Variants in LNPK observed in about 807,000 individuals in gnomAD.
The protein encoded by LNPK is lunapark, ER junction formation factor.
LNPK carries 29 observed loss-of-function variants against 55.2 expected under a neutral mutation model. That is an observed-to-expected ratio of 0.53 (90% CI 0.39 to 0.72). LNPK has a LOEUF of 0.72. Among genes scored for constraint, LNPK ranks in the 30% least tolerant of loss-of-function variants. The pLI is 0.00. For synonymous variants in LNPK, 162 were observed against 168.2 expected, an observed-to-expected ratio of 0.96 and a Z score of 0.29; for missense variants, 467 against 494.8, an observed-to-expected ratio of 0.94 and a Z score of 0.53.
chr2:175,947,385 G>T, intron 9 of LNPK, 95 bp downstream of exon 9: 1 of 988,278 alleles, frequency 1.0e-6, no homozygotes. Context: ...ATTTCCAAAT[G>T]AAATGCCATT....
At chr2:175,964,248 CAAATAT>C (rs1686215347) in intron 8 of LNPK, 118 bp downstream of exon 8, 1 of 660,354 alleles carries the variant, frequency 1.5e-6, no homozygotes, top group African/African-American at 1.8e-5. Context: ...CCCAAATTAC[CAAATAT>C]AAATTTACAC....
intron 6 of LNPK, among the ~76,000 whole-genome samples, chr2:175,970,298 A>G (rs1686595703): frequency 6.6e-6 from 1 of 152,112 alleles, no homozygotes; most frequent in Non-Finnish European, 1.5e-5. Flanking sequence ...GAAAACTCTG[A>G]AGAAAACAAT....
intron 4 of LNPK, among the ~76,000 whole-genome samples, chr2:175,987,538 A>G (rs1574894271): frequency 1.3e-5 from 2 of 152,120 alleles, no homozygotes; most frequent in African/African-American, 2.4e-5. Context: ...TGGGGGGAGC[A>G]GGGAGGGATA....
At chr2:175,975,955 G>A (rs1303288723) in intron 5 of LNPK, among the ~76,000 whole-genome samples, 2 of 152,220 alleles carry the variant, frequency 1.3e-5, no homozygotes, top group African/African-American at 4.8e-5. Context: ...GGATGTTGCA[G>A]TGACCTGAGA....
At chr2:175,961,536 A>G (rs1362836949) in intron 8 of LNPK, among the ~76,000 whole-genome samples, 2 of 152,246 alleles carry the variant, frequency 1.3e-5, no homozygotes, top group Non-Finnish European at 2.9e-5. Context: ...TAAACTAGGT[A>G]TTGATGGGAC....
chr2:175,939,926 T>C (rs1006242056), intron 9 of LNPK, among the ~76,000 whole-genome samples: 5 of 152,040 alleles, frequency 3.3e-5, no homozygotes, highest in African/African-American at 1.2e-4. Flanking sequence ...GCAAATAAAA[T>C]TATGCTTAGT....
intron 6 of LNPK, among the ~76,000 whole-genome samples, chr2:175,970,184 C>T (rs935546225): frequency 2.6e-5 from 4 of 152,112 alleles, no homozygotes; most frequent in Admixed American, 6.5e-5. Flanking sequence ...ATATCTAGAG[C>T]GCCTTCTGTC....
chr2:176,000,088 A>T (rs1408932852), intron 1 of LNPK, among the ~76,000 whole-genome samples: 1 of 152,208 alleles, frequency 6.6e-6, no homozygotes, highest in East Asian at 1.9e-4. Context: ...TCAATGAACA[A>T]TAATGACCAC....
At chr2:175,995,804 CTTTTTTTTTTT>C (rs10674444) in intron 1 of LNPK, among the ~76,000 whole-genome samples, 158 bp from the exon 2 acceptor site, 315 of 66,420 alleles carry the variant, frequency 4.7e-3, no homozygotes, top group African/African-American at 0.016. Context: ...TAGAGTCTAC[CTTTTTTTTTTT>C]TTTTTTTTTT....
intron 8 of LNPK, among the ~76,000 whole-genome samples, chr2:175,954,119 T>C (rs1262960885): frequency 6.6e-6 from 1 of 152,190 alleles, no homozygotes; most frequent in Non-Finnish European, 1.5e-5. Context: ...GTGCCTATCT[T>C]CATTTTGGTC....
At chr2:175,947,143 T>C (rs1430599390) in intron 9 of LNPK, among the ~76,000 whole-genome samples, 1 of 152,216 alleles carries the variant, frequency 6.6e-6, no homozygotes, top group African/African-American at 2.4e-5. Context: ...CCAAAAGTGT[T>C]TTCTTCTATC....
intron 8 of LNPK, among the ~76,000 whole-genome samples, chr2:175,959,722 A>C (rs565668021): frequency 6.6e-6 from 1 of 152,288 alleles, no homozygotes; most frequent in South Asian, 2.1e-4. Flanking sequence ...TATTAACCTT[A>C]AATGTAAATG....
chr2:175,937,749 T>C (rs1247271572), intron 11 of LNPK: 2 of 341,966 alleles, frequency 5.8e-6, no homozygotes, highest in Non-Finnish European at 1.1e-5. Context: ...ACAGGTTACA[T>C]AGCAGGCTAA....
intron 1 of LNPK, among the ~76,000 whole-genome samples, chr2:176,001,924 G>C (rs1025728356): frequency 6.6e-6 from 1 of 152,226 alleles, no homozygotes; most frequent in Non-Finnish European, 1.5e-5. Flanking sequence ...CAAGACTCCA[G>C]CGCCACCACT....
intron 5 of LNPK, among the ~76,000 whole-genome samples, chr2:175,972,427 G>C (rs926554717): frequency 6.6e-6 from 1 of 152,000 alleles, no homozygotes; most frequent in African/African-American, 2.4e-5. Context: ...CATTTCCTTT[G>C]AGTATCATGT....
chr2:175,950,367 A>T (rs903444226), intron 8 of LNPK, among the ~76,000 whole-genome samples: 1 of 152,156 alleles, frequency 6.6e-6, no homozygotes, highest in African/African-American at 2.4e-5. Context: ...TACAATTAAC[A>T]ATAATGTGTC....
intron 6 of LNPK, among the ~76,000 whole-genome samples, chr2:175,966,675 TTAAC>T (rs1686371035): frequency 6.6e-6 from 1 of 152,220 alleles, no homozygotes; most frequent in Non-Finnish European, 1.5e-5. Flanking sequence ...AATAGCTTAA[TTAAC>T]ACACATCCAT....
intron 6 of LNPK, among the ~76,000 whole-genome samples, chr2:175,965,012 T>C (rs1482226943): frequency 6.6e-6 from 1 of 152,178 alleles, no homozygotes; most frequent in East Asian, 1.9e-4. Context: ...AAATAAAATC[T>C]CTGTGCCAAT....
At chr2:175,978,414 CT>C (rs1431921832) in intron 5 of LNPK, among the ~76,000 whole-genome samples, 1 of 151,962 alleles carries the variant, frequency 6.6e-6, no homozygotes, top group African/African-American at 2.4e-5. Context: ...CATCTATTTT[CT>C]GTATAAAGTA....
Sources: gnomAD v4.1 joint callset for allele counts (sites outside exome capture counted in the v4.1 genomes callset) on GRCh38, gnomAD v4.1.1 for gene constraint, MANE v1.5 for transcripts, NCBI Gene and HGNC (gene_info 2026-07-23, HGNC 2026-07-21) for gene names.